Variants in THEMIS observed in about 807,000 individuals in gnomAD.
The protein encoded by THEMIS is thymocyte selection associated.
Under a neutral mutation model 52.6 loss-of-function variants are expected in THEMIS, and 37 were observed. The observed-to-expected ratio is 0.70, with a 90% CI of 0.54 to 0.93. The LOEUF is 0.93. Among genes scored for constraint, THEMIS ranks in the 40% least tolerant of loss-of-function variants. The probability of loss-of-function intolerance (pLI) is 0.00; values close to 1 mark genes in which losing one functional copy is unlikely to be tolerated. For synonymous variants in THEMIS, 292 were observed against 272.7 expected (o/e 1.07, Z -0.70); for missense variants, 808 against 763.1 (o/e 1.06, Z -0.69).
chr6:127,740,887 A>T (rs1356891595), intron 4 of THEMIS, among the ~76,000 whole-genome samples: 4 of 152,194 alleles, frequency 2.6e-5, no homozygotes, highest in Non-Finnish European at 4.4e-5. Context: ...AAGTGCTCTA[A>T]AATTCAAAAA....
intron 5 of THEMIS, among the ~76,000 whole-genome samples, chr6:127,715,093 A>T (rs1486905392): frequency 6.6e-6 from 1 of 151,964 alleles, no homozygotes; most frequent in African/African-American, 2.4e-5. Context: ...ACATTCTTAA[A>T]CATTTAAATC....
intron 5 of THEMIS, among the ~76,000 whole-genome samples, chr6:127,719,457 G>A (rs1483043919): frequency 6.6e-6 from 1 of 151,832 alleles, no homozygotes; most frequent in Non-Finnish European, 1.5e-5. Flanking sequence ...AACCATAAAT[G>A]AGGTGAAAAA....
At chr6:127,744,430 T>C (rs927560594) in intron 4 of THEMIS, among the ~76,000 whole-genome samples, 2 of 152,048 alleles carry the variant, frequency 1.3e-5, no homozygotes, top group Non-Finnish European at 2.9e-5. Flanking sequence ...ACAATCCATA[T>C]GTCCATCGAC....
rs1322542357 is a variant in THEMIS at position 127,813,274 on chromosome 6, G to A, written c.1367C>T (p.Pro456Leu). Reference protein sequence around the residue: ...ISELCKQFRLPFNVKVSVRDL... With the variant: ...ISELCKQFRLLFNVKVSVRDL... ...CCTGACAGACACCTTCACATTGAAG[G>A]GCAAACGGAACTGTTTACAGAGCTC... The change falls in exon 4 of 6, where the codon CCC becomes CTC. Residue 456 changes from proline (P) to leucine (L), a missense_variant. Coordinates refer to ENST00000368248, the MANE Select transcript of THEMIS (RefSeq NM_001010923.3). 2 of 1,614,044 alleles carry A rather than the reference G, an allele frequency of 1.2e-6. No homozygotes were observed. Among genetic ancestry groups the A allele is most frequent in the Non-Finnish European group, 8.5e-7 (1 of 1,180,004 alleles).
At chr6:127,770,959 T>C (rs1185709313) in intron 4 of THEMIS, among the ~76,000 whole-genome samples, 1 of 152,068 alleles carries the variant, frequency 6.6e-6, no homozygotes, top group Non-Finnish European at 1.5e-5. Flanking sequence ...GGGTATTCAA[T>C]TAGGAAAAGA....
intron 1 of THEMIS, among the ~76,000 whole-genome samples, chr6:127,880,134 A>G (rs1780436694): frequency 6.6e-6 from 1 of 151,996 alleles, no homozygotes; most frequent in Admixed American, 6.6e-5. Flanking sequence ...CTTTTATTTT[A>G]TATGTTCCCC....
At position 127,901,015 on chromosome 6, in the gene THEMIS, C is replaced by T; in HGVS notation, c.-83G>A. 9.4e-7 allele frequency: 1 copy of T among 1,065,440 alleles called. No individual in the cohort carries two copies. Among genetic ancestry groups the T allele is most frequent in the Non-Finnish European group, 1.5e-6 (1 of 684,692 alleles). 66.0% of individuals were successfully genotyped at this position (1,065,440 alleles called of 1,614,324 possible). ...TGACACTTGTCTGCAATTGCAGCCC[C>T]TGCTCACCATTTCTTCCTCAGGCAG... On this transcript the variant is annotated 5_prime_UTR_variant, in exon 1 of 6. Transcript: ENST00000368248.
chr6:127,824,903 C>G (rs951464839), intron 3 of THEMIS, among the ~76,000 whole-genome samples: 2 of 151,192 alleles, frequency 1.3e-5, no homozygotes, highest in East Asian at 3.9e-4. Flanking sequence ...CCAGCCTGGG[C>G]GACAGAGGGA....
At chr6:127,806,451 G>A (rs574224325) in intron 4 of THEMIS, among the ~76,000 whole-genome samples, 1 of 152,232 alleles carries the variant, frequency 6.6e-6, no homozygotes, top group East Asian at 1.9e-4. Context: ...GCCCCCAGGT[G>A]AGAACATTCT....
At chr6:127,745,028 AG>A (rs1775339515) in intron 4 of THEMIS, among the ~76,000 whole-genome samples, 1 of 151,986 alleles carries the variant, frequency 6.6e-6, no homozygotes, top group Non-Finnish European at 1.5e-5. Flanking sequence ...ATCTCAAAAA[AG>A]TTGCCAAAAG....
At position 127,855,032 on chromosome 6, in the gene THEMIS, G is replaced by A; in HGVS notation, c.248C>T (p.Pro83Leu). The change falls in exon 2 of 6, where the codon CCA becomes CTA. Residue 83 changes from proline (P) to leucine (L), a missense_variant and splice_region_variant. Pro to Leu is a moderately conservative substitution (Grantham distance 98). Transcript: ENST00000368248. The stretch of plus-strand genomic sequence containing the variant: ...TAAGTGGTTGCAATGTGCTGTACCT[G>A]GAAAATTCATAGGCAGTTCAAATGG... ...LQPFELPMNFPGLFKIVADKT... is the reference protein window; with the variant it reads ...LQPFELPMNFLGLFKIVADKT... The A allele has an allele frequency of 6.2e-7, 1 of 1,602,072 alleles. No individual in the cohort carries two copies. The highest frequency in any genetic ancestry group is 8.5e-7 in the Non-Finnish European group (1 of 1,175,212).
At chr6:127,750,018 G>C (rs1372796210) in intron 4 of THEMIS, among the ~76,000 whole-genome samples, 2 of 146,296 alleles carry the variant, frequency 1.4e-5, no homozygotes, top group Non-Finnish European at 3.0e-5. Context: ...CTGCATCCTA[G>C]ATCAATTAGA....
At chr6:127,773,552 C>G (rs1776457251) in intron 4 of THEMIS, among the ~76,000 whole-genome samples, 1 of 152,144 alleles carries the variant, frequency 6.6e-6, no homozygotes. Context: ...AATATATTTT[C>G]ATGACAACAA....
intron 5 of THEMIS, among the ~76,000 whole-genome samples, chr6:127,710,258 T>C (rs1773930708): frequency 6.6e-6 from 1 of 151,970 alleles, no homozygotes. Context: ...AGCTTACATG[T>C]ATAAAGTGTT....
chr6:127,875,420 A>G (rs1172131315), intron 1 of THEMIS, among the ~76,000 whole-genome samples: 1 of 152,232 alleles, frequency 6.6e-6, no homozygotes, highest in Non-Finnish European at 1.5e-5. Context: ...GCAGAAAGCC[A>G]TTAGGGAAGT....
chr6:127,799,627 A>G (rs1360674411), intron 4 of THEMIS, among the ~76,000 whole-genome samples: 3 of 150,198 alleles, frequency 2.0e-5, no homozygotes, highest in Non-Finnish European at 4.4e-5. Context: ...TGGACCATGT[A>G]ATAGTTCTTA....
rs140319868 is a variant in THEMIS at position 127,894,919 on chromosome 6, T to C, written c.91+5923A>G. Among the ~76,000 whole-genome samples, 24 of 150,668 alleles carry C rather than the reference T, an allele frequency of 1.6e-4. No individual in the cohort carries two copies. The East Asian group carries it at 4.7e-3, about 29-fold the overall frequency. ...TTAAATGTAAAAATCCTAAATATAA[T>C]ATCAAATTCCTACATTGTATTTCAA... On this transcript the variant is annotated intron_variant, in intron 1 of 5. Transcript: ENST00000368248.
intron 1 of THEMIS, among the ~76,000 whole-genome samples, chr6:127,877,021 A>AC (rs2114408638): frequency 6.6e-6 from 1 of 152,336 alleles, no homozygotes; most frequent in Admixed American, 6.5e-5. Context: ...AGTATACTGT[A>AC]GTCTATTAAG....
intron 1 of THEMIS, among the ~76,000 whole-genome samples, chr6:127,907,529 T>C (rs964895643): frequency 2.0e-5 from 3 of 151,742 alleles, no homozygotes; most frequent in Admixed American, 6.6e-5. Flanking sequence ...CTCACATGTA[T>C]ATGTCTCAGC....
Sources: allele counts gnomAD v4.1 joint callset (sites outside exome capture counted in the v4.1 genomes callset), GRCh38; gene constraint gnomAD v4.1.1; transcripts MANE v1.5; gene names NCBI Gene and HGNC (gene_info 2026-07-23, HGNC 2026-07-21).